LRP1B: variants seen among roughly 807,000 people sequenced by gnomAD.
The protein encoded by LRP1B is low-density lipoprotein receptor-related protein 1B.
A neutral mutation model predicts 556.6 loss-of-function variants in LRP1B; 217 were observed. That is an observed-to-expected ratio of 0.39 (90% CI 0.35 to 0.44). The LOEUF is 0.44. Among genes scored for constraint, LRP1B ranks in the 20% least tolerant of loss-of-function variants. The probability of loss-of-function intolerance (pLI) is 1.00; values close to 1 mark genes in which losing one functional copy is unlikely to be tolerated. For synonymous variants in LRP1B, 2,047 were observed against 1,865.8 expected (o/e 1.10, Z -2.50); for missense variants, 5,053 against 5,620.8 (o/e 0.90, Z 3.23).
intron 41 of LRP1B, among the ~76,000 whole-genome samples, chr2:140,652,194 T>C (rs1005214190): frequency 6.6e-6 from 1 of 151,180 alleles, no homozygotes; most frequent in African/African-American, 2.4e-5. Flanking sequence ...AAATCTATAA[T>C]TGATACAGTG....
chr2:141,515,602 C>T (rs1315333661), intron 2 of LRP1B, among the ~76,000 whole-genome samples: 1 of 151,908 alleles, frequency 6.6e-6, no homozygotes, highest in African/African-American at 2.4e-5. Context: ...ACCACTTACT[C>T]TAGGAAACAT....
intron 71 of LRP1B, among the ~76,000 whole-genome samples, chr2:140,369,222 A>T (rs1290944173): frequency 6.6e-6 from 1 of 151,866 alleles, no homozygotes; most frequent in Admixed American, 6.6e-5. Context: ...TTGAGTAAAA[A>T]CTGACATAAT....
At chr2:140,235,414 C>T (rs1273069825) in intron 89 of LRP1B, among the ~76,000 whole-genome samples, 1 of 151,224 alleles carries the variant, frequency 6.6e-6, no homozygotes, top group Non-Finnish European at 1.5e-5. Flanking sequence ...ATATCAAACG[C>T]TTGTAACAAA....
At chr2:141,525,727 T>C (rs1684675580) in intron 2 of LRP1B, among the ~76,000 whole-genome samples, 1 of 151,932 alleles carries the variant, frequency 6.6e-6, no homozygotes, top group Non-Finnish European at 1.5e-5. Context: ...AATACATACA[T>C]AATATTGACA....
intron 1 of LRP1B, among the ~76,000 whole-genome samples, chr2:141,832,837 CTATT>C (rs1343447956): frequency 1.3e-5 from 2 of 151,904 alleles, no homozygotes; most frequent in South Asian, 2.1e-4. Flanking sequence ...AACTAAAACT[CTATT>C]TGTTTCACAA....
Position 142,129,584 on chromosome 2 carries a change from T to TTCTCTCTCTCTCTCTCTCTC in LRP1B, c.82+1044_82+1063dup, listed in dbSNP as rs56034357. Among the ~76,000 whole-genome samples the TTCTCTCTCTCTCTCTCTCTC allele has an allele frequency of 5.9e-5, 8 of 134,830 alleles. 1 individual carries two copies. In the East Asian group the frequency reaches 9.3e-4, roughly 16 times the overall value. 88.5% of individuals were successfully genotyped at this position (134,830 alleles called of 152,430 possible). ...TTGGGATCTGGGTTTCTTTCTCTCT[T>TTCTCTCTCTCTCTCTCTCTC]TCTCTCTCTCTCTCTCTCTCTCTCT... is the stretch of plus-strand genomic sequence containing the variant. On this transcript the variant is annotated intron_variant, in intron 1 of 90. Transcript: ENST00000389484.
Position 142,040,771 on chromosome 2 carries a change from C to T in LRP1B, c.82+89877G>A, listed in dbSNP as rs183820076. Among the ~76,000 whole-genome samples, 18 of 151,304 alleles carry T rather than the reference C, an allele frequency of 1.2e-4. No homozygotes were observed. The East Asian group carries it at 3.5e-3, about 30-fold the overall frequency. On this transcript the variant is annotated intron_variant, in intron 1 of 90. Coordinates refer to ENST00000389484, the MANE Select transcript of LRP1B (RefSeq NM_018557.3). ...TCACATTTTCAAAGGAAATGGAAGA[C>T]TGAACTATTTAGCCTGGCAGTCCAA...
chr2:140,611,673 G>C (rs1456915640), intron 41 of LRP1B, among the ~76,000 whole-genome samples: 2 of 151,968 alleles, frequency 1.3e-5, no homozygotes, highest in African/African-American at 4.8e-5. Flanking sequence ...CTTTGACATT[G>C]AACTCAATAT....
chr2:142,106,887 CT>C (rs1443820977), intron 1 of LRP1B, among the ~76,000 whole-genome samples: 1 of 151,996 alleles, frequency 6.6e-6, no homozygotes, highest in African/African-American at 2.4e-5. Context: ...CACATGTTAG[CT>C]CTCATTTAGC....
At chr2:140,488,895 G>C (rs1688587584) in intron 57 of LRP1B, among the ~76,000 whole-genome samples, 3 of 151,994 alleles carry the variant, frequency 2.0e-5, no homozygotes, top group East Asian at 3.9e-4. Context: ...GTTTTAGCTT[G>C]GTTGCCGGGA....
rs74719658 is a variant in LRP1B at position 140,292,875 on chromosome 2, C to A, written c.12967+4933G>T. On this transcript the variant is annotated intron_variant, in intron 84 of 90. Coordinates refer to ENST00000389484, the MANE Select transcript of LRP1B (RefSeq NM_018557.3). Reference sequence around the variant, plus strand: ...AATAATCCCATCGTGTCATCAAATACGATAGGCTTATATCTATAGTGCATA... The same window carrying A: ...AATAATCCCATCGTGTCATCAAATAAGATAGGCTTATATCTATAGTGCATA... Among the ~76,000 whole-genome samples the A allele has an allele frequency of 1.3e-5, 2 of 152,086 alleles. 1 individual carries two copies. The highest frequency in any genetic ancestry group is 4.1e-4 in the South Asian group (2 of 4,822).
At chr2:140,850,383 C>T (rs1692421670) in intron 28 of LRP1B, 54 bp from the exon 29 acceptor site, 1 of 1,034,400 alleles carries the variant, frequency 9.7e-7, no homozygotes, top group Admixed American at 2.5e-5. Context: ...GCTTGAAAGT[C>T]TAGAAATTCT....
chr2:141,112,039 C>G (rs1407465708), intron 7 of LRP1B, among the ~76,000 whole-genome samples: 1 of 130,916 alleles, frequency 7.6e-6, no homozygotes, highest in East Asian at 3.1e-4. Context: ...GAGTGAGACC[C>G]TGCCTCAAAA....
chr2:141,402,459 C>T (rs1690481889), intron 3 of LRP1B, among the ~76,000 whole-genome samples: 1 of 151,828 alleles, frequency 6.6e-6, no homozygotes, highest in African/African-American at 2.4e-5. Context: ...GACCAGTCAA[C>T]CAAAAAGTAT....
At chr2:141,592,466 C>T (rs932074620) in intron 2 of LRP1B, among the ~76,000 whole-genome samples, 9 of 152,050 alleles carry the variant, frequency 5.9e-5, no homozygotes, top group Non-Finnish European at 1.0e-4. Flanking sequence ...GAAGGCACCA[C>T]CCTTATGACT....
chr2:141,601,006 C>T (rs560045467), intron 2 of LRP1B, among the ~76,000 whole-genome samples: 9 of 152,302 alleles, frequency 5.9e-5, no homozygotes, highest in African/African-American at 1.2e-4. Flanking sequence ...ACACCTATAT[C>T]TATACCGGCA....
Position 140,997,691 on chromosome 2 carries a change from A to G in LRP1B, c.2504-3556T>C, listed in dbSNP as rs560527463. 9.2e-4 allele frequency among the ~76,000 whole-genome samples: 140 copies of G among 152,078 alleles called. 1 individual carries two copies. Among genetic ancestry groups the G allele is most frequent in the Admixed American group, 1.8e-3 (27 of 15,234 alleles). ...TTCTGCTTATCTAATATTGAGAAAT[A>G]TTTGTTTGTTTATTTCTTCATTTTG... is the stretch of plus-strand genomic sequence containing the variant. On this transcript the variant is annotated intron_variant, in intron 15 of 90. Transcript: ENST00000389484.
chr2:141,585,780 TA>T (rs1319621058), intron 2 of LRP1B, among the ~76,000 whole-genome samples: 1 of 152,110 alleles, frequency 6.6e-6, no homozygotes, highest in Non-Finnish European at 1.5e-5. Flanking sequence ...ATAACTTAAA[TA>T]AATTTTCTTG....
At chr2:140,349,667 A>C (rs965653073) in intron 77 of LRP1B, among the ~76,000 whole-genome samples, 1 of 152,100 alleles carries the variant, frequency 6.6e-6, no homozygotes, top group Non-Finnish European at 1.5e-5. Flanking sequence ...AGGTAAGTCC[A>C]CAGTATATAC....
Sources: gnomAD v4.1 joint callset for allele counts (sites outside exome capture counted in the v4.1 genomes callset) on GRCh38, gnomAD v4.1.1 for gene constraint, MANE v1.5 for transcripts, NCBI Gene and HGNC (gene_info 2026-07-23, HGNC 2026-07-21) for gene names.